LRRTM4: variants seen among roughly 807,000 people sequenced by gnomAD.
LRRTM4 encodes leucine-rich repeat transmembrane neuronal protein 4.
Under a neutral mutation model 47.6 loss-of-function variants are expected in LRRTM4, and 25 were observed. The ratio of observed to expected loss-of-function variants is 0.53; its 90% CI spans 0.38 to 0.73. The LOEUF (loss-of-function observed/expected upper bound fraction) is 0.73, where lower values mean the gene tolerates loss of function less well. Among genes scored for constraint, LRRTM4 ranks in the 30% least tolerant of loss-of-function variants. The pLI is 0.00. For missense variants in LRRTM4, 638 were observed against 713.4 expected, an observed-to-expected ratio of 0.89 and a Z score of 1.20; for synonymous variants, 311 against 269.5, an observed-to-expected ratio of 1.15 and a Z score of -1.51.
chr2:76,996,523 A>C (rs1011465338), intron 3 of LRRTM4, among the ~76,000 whole-genome samples: 1 of 149,612 alleles, frequency 6.7e-6, no homozygotes, highest in African/African-American at 2.5e-5. Flanking sequence ...AAGATCAAGT[A>C]AAATTTTGCT....
intron 3 of LRRTM4, among the ~76,000 whole-genome samples, chr2:77,276,941 T>C (rs949562874): frequency 2.6e-5 from 4 of 151,308 alleles, no homozygotes; most frequent in African/African-American, 9.7e-5. Flanking sequence ...GGGCAAGGTG[T>C]GGGTAAGTGT....
At chr2:77,318,552 C>A (rs767303421) in intron 3 of LRRTM4, among the ~76,000 whole-genome samples, 27 of 152,158 alleles carry the variant, frequency 1.8e-4, no homozygotes, top group Non-Finnish European at 3.4e-4. Context: ...CTACCCTTTT[C>A]AAGGCACAAA....
At chr2:76,828,718 G>T (rs114033108) in intron 3 of LRRTM4, among the ~76,000 whole-genome samples, 5 of 151,992 alleles carry the variant, frequency 3.3e-5, no homozygotes, top group African/African-American at 1.2e-4. Context: ...TATGAGCACA[G>T]TGTGCCTCCT....
At position 77,223,674 on chromosome 2, in the gene LRRTM4, G is replaced by A. The variant is rs546482394; in HGVS notation, c.1551+294644C>T. ...CAAGGGATGTGAAGAACCTCTTCAC[G>A]GAGAACTACAAACCACTACTCAATG... On this transcript the variant is annotated intron_variant, in intron 3 of 3. Coordinates refer to ENST00000409884, the MANE Select transcript of LRRTM4 (RefSeq NM_001134745.3). Among the ~76,000 whole-genome samples the A allele has an allele frequency of 1.2e-4, 19 of 152,178 alleles. No individual in the cohort carries two copies. The East Asian group carries it at 1.4e-3, about 11-fold the overall frequency.
At chr2:77,045,251 A>G (rs915458353) in intron 3 of LRRTM4, among the ~76,000 whole-genome samples, 2 of 151,956 alleles carry the variant, frequency 1.3e-5, no homozygotes, top group Non-Finnish European at 2.9e-5. Flanking sequence ...TCACAAAAAA[A>G]GTAGAGAAAA....
intron 3 of LRRTM4, among the ~76,000 whole-genome samples, chr2:77,228,718 T>C (rs1001171298): frequency 3.3e-5 from 5 of 152,210 alleles, no homozygotes; most frequent in East Asian, 1.9e-4. Flanking sequence ...CATATTCTTA[T>C]TGTGTCCTGT....
At chr2:77,150,969 C>T (rs886324940) in intron 3 of LRRTM4, among the ~76,000 whole-genome samples, 2 of 152,054 alleles carry the variant, frequency 1.3e-5, no homozygotes, top group Non-Finnish European at 2.9e-5. Context: ...CACATTCATG[C>T]ACTGTTTTTT....
chr2:76,804,715 TAA>T, intron 3 of LRRTM4, among the ~76,000 whole-genome samples: 1 of 147,872 alleles, frequency 6.8e-6, no homozygotes, highest in East Asian at 2.0e-4. Context: ...GATGTATATA[TAA>T]AACAATGATA....
intron 3 of LRRTM4, among the ~76,000 whole-genome samples, chr2:76,816,819 GTTT>G (rs201525166): frequency 7.3e-5 from 7 of 96,530 alleles, no homozygotes; most frequent in Non-Finnish European, 1.3e-4. Context: ...GAGGTAAAGA[GTTT>G]TTTTTTTTTT....
Position 76,864,995 on chromosome 2 carries a change from C to T in LRRTM4, c.1552-116079G>A, listed in dbSNP as rs1279609745. On this transcript the variant is annotated intron_variant, in intron 3 of 3. Coordinates refer to ENST00000409884, the MANE Select transcript of LRRTM4 (RefSeq NM_001134745.3). ...AAGCGATTCTTCTGCCTCAGCCTCC[C>T]AAATCTTGATTCTTACTTAATTATA... Among the ~76,000 whole-genome samples, 4 of 151,740 alleles carry T rather than the reference C, an allele frequency of 2.6e-5. No individual in the cohort carries two copies. In the South Asian group the frequency reaches 6.2e-4, roughly 24 times the overall value.
chr2:77,141,022 T>A (rs541360488), intron 3 of LRRTM4, among the ~76,000 whole-genome samples: 1 of 152,138 alleles, frequency 6.6e-6, no homozygotes, highest in East Asian at 1.9e-4. Flanking sequence ...ACACTGTTGG[T>A]GGGACTGTAA....
At chr2:76,796,845 G>A (rs1210285743) in intron 3 of LRRTM4, among the ~76,000 whole-genome samples, 2 of 152,066 alleles carry the variant, frequency 1.3e-5, no homozygotes, top group Non-Finnish European at 2.9e-5. Context: ...CTCAGGAGCT[G>A]ATTCGATCAA....
chr2:77,280,474 T>C (rs1451884739), intron 3 of LRRTM4, among the ~76,000 whole-genome samples: 1 of 152,042 alleles, frequency 6.6e-6, no homozygotes, highest in Non-Finnish European at 1.5e-5. Flanking sequence ...GCTCAGAATA[T>C]CTTCTATTAC....
At chr2:76,841,435 A>T (rs1293246804) in intron 3 of LRRTM4, among the ~76,000 whole-genome samples, 1 of 152,064 alleles carries the variant, frequency 6.6e-6, no homozygotes, top group Non-Finnish European at 1.5e-5. Context: ...TAATAATAAA[A>T]TTAAAAAAAA....
rs77850013 is a variant in LRRTM4, at chr2:77,515,076, T to C, written c.1551+3242A>G. ...TCTGAGTACATACTGAGGATGTATG[T>C]ACTAAGTGAATGATTCAGTTCAACC... On this transcript the variant is annotated intron_variant, in intron 3 of 3. Coordinates refer to ENST00000409884, the MANE Select transcript of LRRTM4 (RefSeq NM_001134745.3). 3.2e-3 allele frequency among the ~76,000 whole-genome samples: 479 copies of C among 152,040 alleles called. 4 individuals are homozygous for C. The highest frequency in any genetic ancestry group is 0.011 in the African/African-American group (457 of 41,562).
chr2:77,335,459 G>A (rs1671130159), intron 3 of LRRTM4, among the ~76,000 whole-genome samples: 2 of 152,006 alleles, frequency 1.3e-5, no homozygotes, highest in South Asian at 2.1e-4. Context: ...CTAACACTTT[G>A]GATTTCCCCA....
intron 3 of LRRTM4, among the ~76,000 whole-genome samples, chr2:76,886,042 C>G (rs1673066714): frequency 2.0e-5 from 3 of 152,174 alleles, no homozygotes; most frequent in South Asian, 4.2e-4. Flanking sequence ...AAGAATTGCT[C>G]AACATTTTAT....
At chr2:76,784,060 ATTATTT>A (rs1273812641) in intron 3 of LRRTM4, among the ~76,000 whole-genome samples, 3 of 152,080 alleles carry the variant, frequency 2.0e-5, no homozygotes, top group African/African-American at 7.2e-5. Flanking sequence ...TTTTTGGAAA[ATTATTT>A]TTAAATGTTG....
At chr2:77,271,916 G>A (rs551269172) in intron 3 of LRRTM4, among the ~76,000 whole-genome samples, 1 of 152,180 alleles carries the variant, frequency 6.6e-6, no homozygotes, top group African/African-American at 2.4e-5. Flanking sequence ...TCAAACATAA[G>A]ACTTTACTTA....
Sources: gnomAD v4.1 joint callset for allele counts (sites outside exome capture counted in the v4.1 genomes callset) on GRCh38, gnomAD v4.1.1 for gene constraint, MANE v1.5 for transcripts, NCBI Gene and HGNC (gene_info 2026-07-23, HGNC 2026-07-21) for gene names.